The following EXT1 variants were observed in gnomAD, a reference collection of about 807,000 sequenced individuals.
EXT1 encodes the protein exostosin-1.
In EXT1, 20 loss-of-function variants were observed where a neutral mutation model predicts 82.5. The ratio of observed to expected loss-of-function variants is 0.24; its 90% CI spans 0.17 to 0.35. The LOEUF (loss-of-function observed/expected upper bound fraction) is 0.35, where lower values mean the gene tolerates loss of function less well. Ranked by LOEUF, EXT1 falls within the 10% of genes least tolerant of loss-of-function variation. EXT1 has a pLI of 1.00. For synonymous variants in EXT1, 348 were observed against 350.8 expected, an observed-to-expected ratio of 0.99 and a Z score of 0.09; for missense variants, 757 against 936.5, an observed-to-expected ratio of 0.81 and a Z score of 2.50.
intron 3 of EXT1, among the ~76,000 whole-genome samples, chr8:117,835,124 G>A (rs953104382): frequency 2.0e-5 from 3 of 152,100 alleles, no homozygotes; most frequent in Admixed American, 1.3e-4. Context: ...GAAACAGTAG[G>A]GTAGAATAAA....
intron 1 of EXT1, among the ~76,000 whole-genome samples, chr8:118,087,335 T>C (rs2129992536): frequency 6.6e-6 from 1 of 152,320 alleles, no homozygotes; most frequent in East Asian, 1.9e-4. Flanking sequence ...ATTCACATAC[T>C]AAAACTAAAA....
At chr8:117,959,644 T>G (rs867504916) in intron 1 of EXT1, among the ~76,000 whole-genome samples, 4 of 152,320 alleles carry the variant, frequency 2.6e-5, no homozygotes, top group African/African-American at 2.4e-5. Context: ...GATAATTATA[T>G]TGGACACACG....
chr8:117,956,266 A>C (rs1814584027), intron 1 of EXT1, among the ~76,000 whole-genome samples: 1 of 151,692 alleles, frequency 6.6e-6, no homozygotes, highest in Non-Finnish European at 1.5e-5. Context: ...AATCACTTCC[A>C]CTCACTGGAC....
chr8:118,051,224 C>A (rs528914649), intron 1 of EXT1, among the ~76,000 whole-genome samples: 8 of 151,896 alleles, frequency 5.3e-5, no homozygotes, highest in South Asian at 2.1e-4. Flanking sequence ...GTAGTCCCAG[C>A]TAATCAGGAG....
At chr8:118,060,754 A>G (rs1816868918) in intron 1 of EXT1, among the ~76,000 whole-genome samples, 3 of 152,230 alleles carry the variant, frequency 2.0e-5, no homozygotes, top group Admixed American at 2.0e-4. Context: ...GGCTGTATCA[A>G]CATGTCCAGG....
At chr8:117,935,561 A>G (rs548893193) in intron 1 of EXT1, among the ~76,000 whole-genome samples, 193 of 151,998 alleles carry the variant, frequency 1.3e-3, no homozygotes, top group Non-Finnish European at 2.3e-3. Context: ...GGATCTCCCT[A>G]TGTTGCCCAG....
intron 1 of EXT1, among the ~76,000 whole-genome samples, chr8:118,025,449 T>C (rs1443783632): frequency 6.6e-6 from 1 of 152,178 alleles, no homozygotes; most frequent in Non-Finnish European, 1.5e-5. Context: ...GAGCTTGCTA[T>C]TATTATCTAT....
At chr8:117,992,418 ACCT>A (rs1815452870) in intron 1 of EXT1, among the ~76,000 whole-genome samples, 1 of 133,136 alleles carries the variant, frequency 7.5e-6, no homozygotes, top group Non-Finnish European at 1.6e-5. Context: ...CCTCAACGGG[ACCT>A]CCTCCTTTCA....
chr8:118,043,475 A>G (rs906936065), intron 1 of EXT1, among the ~76,000 whole-genome samples: 9 of 152,206 alleles, frequency 5.9e-5, no homozygotes, highest in African/African-American at 9.7e-5. Flanking sequence ...ATGCCATCAC[A>G]TGTGACTTTT....
In EXT1 at chr8:117,991,750, C is replaced by T. The variant is rs548940728; in HGVS notation, c.962+118335G>A. ...CTAATTTTTGTATTTTTAGTGGACA[C>T]AGCGTTTCACCATGTTGGCCAGGCT... is the stretch of plus-strand genomic sequence containing the variant. On this transcript the variant is annotated intron_variant, in intron 1 of 10. Coordinates refer to ENST00000378204, the MANE Select transcript of EXT1 (RefSeq NM_000127.3). Among the ~76,000 whole-genome samples the T allele has an allele frequency of 1.5e-3, 225 of 152,154 alleles. 1 individual carries two copies. The highest frequency in any genetic ancestry group is 5.4e-3 in the African/African-American group (224 of 41,512).
chr8:117,876,212 A>C (rs1314510324), intron 1 of EXT1, among the ~76,000 whole-genome samples: 2 of 152,254 alleles, frequency 1.3e-5, no homozygotes, highest in Non-Finnish European at 2.9e-5. Flanking sequence ...GGGACAGAGA[A>C]GCATCTAACT....
chr8:117,937,970 A>T lies in EXT1; in HGVS notation c.963-100769T>A, dbSNP rs184000951. On this transcript the variant is annotated intron_variant, in intron 1 of 10. Coordinates refer to ENST00000378204, the MANE Select transcript of EXT1 (RefSeq NM_000127.3). ...CTCCAAAACAAAACTGATAAAAATA[A>T]ACAGCTCGTTTTGAGGGTATTCACT... Among the ~76,000 whole-genome samples the T allele has an allele frequency of 6.5e-4, 99 of 152,338 alleles. 1 individual carries two copies. Among genetic ancestry groups the T allele is most frequent in the Non-Finnish European group, 2.8e-4 (19 of 68,026 alleles).
At chr8:117,897,717 T>A (rs542536994) in intron 1 of EXT1, among the ~76,000 whole-genome samples, 33 of 149,714 alleles carry the variant, frequency 2.2e-4, no homozygotes, top group African/African-American at 6.4e-4. Context: ...GCCTCAGCCT[T>A]CCGAGTAGCT....
At chr8:117,803,787 C>T (rs1823200608) in intron 10 of EXT1, among the ~76,000 whole-genome samples, 1 of 152,188 alleles carries the variant, frequency 6.6e-6, no homozygotes, top group Admixed American at 6.5e-5. Flanking sequence ...TAACTCAACA[C>T]AATATTTTAC....
chr8:117,941,314 T>G (rs1223694204), intron 1 of EXT1, among the ~76,000 whole-genome samples: 2 of 152,188 alleles, frequency 1.3e-5, no homozygotes, highest in African/African-American at 4.8e-5. Flanking sequence ...ACACAGCCAC[T>G]GGACAGTTAG....
At chr8:117,941,898 G>A (rs1814288531) in intron 1 of EXT1, among the ~76,000 whole-genome samples, 1 of 152,188 alleles carries the variant, frequency 6.6e-6, no homozygotes, top group African/African-American at 2.4e-5. Flanking sequence ...ACTCCACACT[G>A]TGAATGCCAT....
intron 1 of EXT1, among the ~76,000 whole-genome samples, chr8:117,902,123 T>A (rs1277706156): frequency 1.3e-5 from 2 of 151,948 alleles, no homozygotes; most frequent in East Asian, 1.9e-4. Flanking sequence ...CTGTCTTCCA[T>A]CTCCACATCT....
chr8:117,984,544 T>TG (rs1034705099), intron 1 of EXT1, among the ~76,000 whole-genome samples: 11 of 151,080 alleles, frequency 7.3e-5, no homozygotes, highest in African/African-American at 2.7e-4. Context: ...GAAGATACCT[T>TG]GGGAAGAGTG....
chr8:117,988,613 GCTTCCCAC>G (rs1815371501), intron 1 of EXT1, among the ~76,000 whole-genome samples: 1 of 152,162 alleles, frequency 6.6e-6, no homozygotes. Flanking sequence ...GCAGGCCTGA[GCTTCCCAC>G]CTCCCTCCAC....
Sources: allele counts gnomAD v4.1 joint callset (sites outside exome capture counted in the v4.1 genomes callset), GRCh38; gene constraint gnomAD v4.1.1; transcripts MANE v1.5; gene names NCBI Gene and HGNC (gene_info 2026-07-23, HGNC 2026-07-21).